The following ITGAD variants were observed in gnomAD, a reference collection of about 807,000 sequenced individuals.
ITGAD encodes the protein integrin alpha-D.
Under a neutral mutation model 139.0 loss-of-function variants are expected in ITGAD, and 105 were observed. The observed-to-expected ratio is 0.76, with a 90% CI of 0.65 to 0.89. The LOEUF (loss-of-function observed/expected upper bound fraction) is 0.89, where lower values mean the gene tolerates loss of function less well. Ranked by LOEUF, ITGAD falls within the 40% of genes least tolerant of loss-of-function variation. The pLI is 0.00. For missense variants in ITGAD, 1,384 were observed against 1,487.3 expected (o/e 0.93, Z 1.14); for synonymous variants, 569 against 598.3 (o/e 0.95, Z 0.71).
Position 31,403,608 on chromosome 16 carries a change from G to A in ITGAD, c.667G>A (p.Gly223Ser), listed in dbSNP as rs2081462063. The A allele has an allele frequency of 6.2e-7, 1 of 1,614,162 alleles. No individual in the cohort carries two copies. Among genetic ancestry groups the A allele is most frequent in the African/African-American group, 1.3e-5 (1 of 75,044 alleles). The change falls in exon 7 of 30, where the codon GGC (glycine) becomes AGC (serine). Residue 223 changes from glycine (G) to serine (S), a missense_variant. Physicochemically the swap from Gly to Ser is moderately conservative, Grantham distance 56. Transcript: ENST00000389202. This position sits in a 1 kb window ranked among gnomAD's most constrained non-coding sequence, Gnocchi z 4.4. The stretch of plus-strand genomic sequence containing the variant: ...GGTGGATCCCATCGTCCAACTGAAA[G>A]GCCTGACGTTCACGGCCACGGGCAT... ...SLVDPIVQLK[G>S]LTFTATGILT...
rs2081471810 is a variant in ITGAD at position 31,403,870 on chromosome 16, G to A, written c.704+225G>A. The A allele has an allele frequency of 3.6e-6, 2 of 550,798 alleles. No individual in the cohort carries two copies. The highest frequency in any genetic ancestry group is 3.2e-5 in the Admixed American group (1 of 31,672). The allele number at this position is 550,798 out of a possible 1,614,324, so 34.1% of individuals were successfully genotyped here. On this transcript the variant is annotated intron_variant, in intron 7 of 29. Transcript: ENST00000389202. The surrounding 1 kb of genome is among the most constrained non-coding windows in gnomAD (Gnocchi z 4.4). ...TCCTCTGCAGCTATGCCTCCCCTTT[G>A]CCTGGTTCTGCAGAGCCTGGACCCC...
Position 31,418,542 on chromosome 16 carries a change from G to A in ITGAD, c.2758G>A (p.Ala920Thr). 6.2e-7 allele frequency: 1 copy of A among 1,614,108 alleles called. No homozygotes were observed. The highest frequency in any genetic ancestry group is 8.5e-7 in the Non-Finnish European group (1 of 1,179,992). Reference sequence around the variant, plus strand: ...CCAGCTGGAGCTCCCGGTGAAGTATGCAGTCTACACCATGATCAGCAGGTG... The same window carrying A: ...CCAGCTGGAGCTCCCGGTGAAGTATACAGTCTACACCATGATCAGCAGGTG... ...TFQLELPVKY[A>T]VYTMISRQEE... is the part of the protein sequence containing the mutation. Residue 920 changes from alanine to threonine, a missense_variant, in exon 23 of 30, where the codon GCA becomes ACA. Ala to Thr is a moderately conservative substitution (Grantham distance 58, BLOSUM62 0). Transcript: ENST00000389202.
intron 16 of ITGAD, among the ~76,000 whole-genome samples, chr16:31,413,629 G>T (rs982320283): frequency 6.6e-6 from 1 of 152,146 alleles, no homozygotes; most frequent in Non-Finnish European, 1.5e-5. Context: ...ACTCCCCTGC[G>T]TAACCCGCCT....
Position 31,407,746 on chromosome 16 carries a change from C to T in ITGAD, c.859-20C>T, listed in dbSNP as rs768195694. 14 of 1,613,612 alleles carry T rather than the reference C, an allele frequency of 8.7e-6. No homozygotes were observed. The highest frequency in any genetic ancestry group is 3.3e-5 in the Admixed American group (2 of 59,992). On this transcript the variant is annotated intron_variant, in intron 8 of 29. Coordinates refer to ENST00000389202, the MANE Select transcript of ITGAD (RefSeq NM_005353.3). The stretch of plus-strand genomic sequence containing the variant: ...GCAGTGCTGCTGGGCTCATCCTCCT[C>T]GGCTGTCTCTCTGCTGCAGGTGGGA...
At chr16:31,417,869 C>A (rs537041085) in intron 20 of ITGAD, among the ~76,000 whole-genome samples, 2 of 152,190 alleles carry the variant, frequency 1.3e-5, no homozygotes, top group Non-Finnish European at 2.9e-5. Flanking sequence ...ATTGCTTGAA[C>A]CCAGGAGGTG....
chr16:31,422,016 G>A (rs905394118), intron 23 of ITGAD, among the ~76,000 whole-genome samples: 5 of 152,026 alleles, frequency 3.3e-5, no homozygotes, highest in African/African-American at 1.2e-4. Flanking sequence ...CTGCAGCCTC[G>A]ACCTCCCAGG....
intron 18 of ITGAD, among the ~76,000 whole-genome samples, chr16:31,415,752 T>C (rs1293395895): frequency 6.6e-6 from 1 of 152,212 alleles, no homozygotes; most frequent in African/African-American, 2.4e-5. Flanking sequence ...ACTCAGCATC[T>C]GCCGCTCCTT....
chr16:31,426,177 C>T lies in ITGAD; in HGVS notation c.*49C>T. The T allele has an allele frequency of 7.8e-7, 1 of 1,284,996 alleles. No homozygotes were observed. Among genetic ancestry groups the T allele is most frequent in the Non-Finnish European group, 1.1e-6 (1 of 892,536 alleles). 79.6% of individuals were successfully genotyped at this position (1,284,996 alleles called of 1,614,324 possible). On this transcript the variant is annotated 3_prime_UTR_variant, in exon 30 of 30. Coordinates refer to ENST00000389202, the MANE Select transcript of ITGAD (RefSeq NM_005353.3). ...TACCACTGTGGGCTGGACTTGCTTG[C>T]AACCATAAATCAACTTACATGGAAA... is the stretch of plus-strand genomic sequence containing the variant.
Position 31,414,407 on chromosome 16 carries a change from G to C in ITGAD, c.1997-44G>C, listed in dbSNP as rs199926782. The C allele has an allele frequency of 3.0e-5, 48 of 1,598,926 alleles. No individual in the cohort carries two copies. In the African/African-American group the frequency reaches 5.9e-4, roughly 20 times the overall value. On this transcript the variant is annotated intron_variant, in intron 16 of 29. Transcript: ENST00000389202. ...CAAATAATGAAAACAGAGCATTCTA[G>C]GTTATTTCTGCCTTTTCATTTTGCA...
At position 31,423,947 on chromosome 16, in the gene ITGAD, T is replaced by C. The variant is rs2082059159; in HGVS notation, c.3148T>C (p.Trp1050Arg). The C allele has an allele frequency of 3.7e-6, 6 of 1,614,054 alleles. No individual in the cohort carries two copies. The highest frequency in any genetic ancestry group is 1.3e-5 in the African/African-American group (1 of 74,922). ...FTLKGNLSFG[W>R]VRETLQKKVL... ...CCTGAAGGGCAATCTCAGTTTCGGC[T>C]GGGTCCGCGAGGTGTGTGGGGGCAG... The change falls in exon 27 of 30, where the codon TGG becomes CGG. Residue 1050 changes from tryptophan (W) to arginine (R), a missense_variant. Transcript: ENST00000389202.
chr16:31,410,392 C>T lies in ITGAD; in HGVS notation c.1084-3C>T, dbSNP rs764729015. 4 of 1,613,884 alleles carry T rather than the reference C, an allele frequency of 2.5e-6. No individual in the cohort carries two copies. Among genetic ancestry groups the T allele is most frequent in the Non-Finnish European group, 3.4e-6 (4 of 1,179,898 alleles). ...GCCCAGCCCTGGAATTCTTTCCTCC[C>T]AGGATGGCCTCTTCCTGGGGGCTGT... On this transcript the variant is annotated splice_region_variant and splice_polypyrimidine_tract_variant and intron_variant, in intron 10 of 29. Coordinates refer to ENST00000389202, the MANE Select transcript of ITGAD (RefSeq NM_005353.3).
chr16:31,397,226 C>A, intron 2 of ITGAD, 133 bp from the exon 3 acceptor site: 1 of 645,402 alleles, frequency 1.5e-6, no homozygotes, highest in Non-Finnish European at 2.8e-6. Context: ...GAATATTCTG[C>A]CAAGTGGCAA....
chr16:31,402,391 C>A, intron 6 of ITGAD, 146 bp downstream of exon 6: 2 of 661,194 alleles, frequency 3.0e-6, no homozygotes, highest in Admixed American at 3.0e-5. Flanking sequence ...AGCACAGGCC[C>A]AACTTGAGCC....
intron 5 of ITGAD, among the ~76,000 whole-genome samples, chr16:31,400,602 T>G (rs2081379460): frequency 6.6e-6 from 1 of 152,182 alleles, no homozygotes; most frequent in Non-Finnish European, 1.5e-5. Flanking sequence ...CTGAGGTCAC[T>G]TGGGAATGTT....
chr16:31,403,734 G>T lies in ITGAD; in HGVS notation c.704+89G>T. On this transcript the variant is annotated intron_variant, in intron 7 of 29. Coordinates refer to ENST00000389202, the MANE Select transcript of ITGAD (RefSeq NM_005353.3). The surrounding 1 kb of genome is among the most constrained non-coding windows in gnomAD (Gnocchi z 4.4). ...GCACAGCTCTTCTCAGAGGCTGAGG[G>T]AGGCTCCAGGGAAAGGGGCTACCAA... 1.3e-6 allele frequency: 2 copies of T among 1,521,610 alleles called. No homozygotes were observed. Among genetic ancestry groups the T allele is most frequent in the South Asian group, 2.4e-5 (2 of 84,572 alleles). 94.3% of individuals were successfully genotyped at this position (1,521,610 alleles called of 1,614,324 possible). A position where few individuals can be genotyped will look rare whatever the true frequency, so the allele number is the denominator to read the frequency against.
chr16:31,403,750 G>A lies in ITGAD; in HGVS notation c.704+105G>A. Reference sequence around the variant, plus strand: ...AGGCTGAGGGAGGCTCCAGGGAAAGGGGCTACCAAGGGGCATGTCGGGGCT... The same window carrying A: ...AGGCTGAGGGAGGCTCCAGGGAAAGAGGCTACCAAGGGGCATGTCGGGGCT... On this transcript the variant is annotated intron_variant, in intron 7 of 29. Transcript: ENST00000389202. The surrounding 1 kb of genome is among the most constrained non-coding windows in gnomAD (Gnocchi z 4.4). 7.0e-7 allele frequency: 1 copy of A among 1,421,854 alleles called. No homozygotes were observed. Among genetic ancestry groups the A allele is most frequent in the South Asian group, 1.3e-5 (1 of 78,688 alleles). The allele number at this position is 1,421,854 out of a possible 1,614,324, so 88.1% of individuals were successfully genotyped here.
chr16:31,424,590 T>A lies in ITGAD; in HGVS notation c.3372+13T>A, dbSNP rs766305446. ...CACACTGTACAAGGCAAGTGTTTTA[T>A]CCAACTCTTTTTTTTTTTTTTTTGA... On this transcript the variant is annotated intron_variant, in intron 29 of 29. Transcript: ENST00000389202. 1.3e-6 allele frequency: 2 copies of A among 1,499,198 alleles called. No homozygotes were observed. Among genetic ancestry groups the A allele is most frequent in the South Asian group, 1.2e-5 (1 of 82,398 alleles). 92.9% of individuals were successfully genotyped at this position (1,499,198 alleles called of 1,614,324 possible).
At position 31,397,580 on chromosome 16, in the gene ITGAD, G is replaced by A. The variant is rs945403853; in HGVS notation, c.242-16G>A. ...GTGTGTGCTGTGAGTGAGACCCCGCGTGTCTGCCCTTGCAGTCCGCCCTGA... is the reference window on the plus strand; with the variant it reads ...GTGTGTGCTGTGAGTGAGACCCCGCATGTCTGCCCTTGCAGTCCGCCCTGA... On this transcript the variant is annotated splice_polypyrimidine_tract_variant and intron_variant, in intron 3 of 29. Coordinates refer to ENST00000389202, the MANE Select transcript of ITGAD (RefSeq NM_005353.3). 7.5e-6 allele frequency: 12 copies of A among 1,606,408 alleles called. No individual in the cohort carries two copies. Among genetic ancestry groups the A allele is most frequent in the Non-Finnish European group, 9.3e-6 (11 of 1,179,662 alleles).
At position 31,423,057 on chromosome 16, in the gene ITGAD, AG is replaced by A. The variant is rs1212177490; in HGVS notation, c.2781-54del. ...CCAACAGAGCTCTCTGCAGTAGGACAGGGCACAACTGGGGACAGTTTCAGGG... is the reference window on the plus strand; with the variant it reads ...CCAACAGAGCTCTCTGCAGTAGGACAGGCACAACTGGGGACAGTTTCAGGG... On this transcript the variant is annotated intron_variant, in intron 23 of 29. Coordinates refer to ENST00000389202, the MANE Select transcript of ITGAD (RefSeq NM_005353.3). The A allele has an allele frequency of 9.8e-6, 13 of 1,325,558 alleles. No homozygotes were observed. The African/African-American group carries it at 1.6e-4, about 16-fold the overall frequency. The allele number at this position is 1,325,558 out of a possible 1,614,324, so 82.1% of individuals were successfully genotyped here.
Sources: allele counts gnomAD v4.1 joint callset (sites outside exome capture counted in the v4.1 genomes callset), GRCh38; gene constraint gnomAD v4.1.1; non-coding constraint Gnocchi (gnomAD v3.1); transcripts MANE v1.5; gene names NCBI Gene and HGNC (gene_info 2026-07-23, HGNC 2026-07-21).